HTR4: variants seen among roughly 807,000 people sequenced by gnomAD.
HTR4 encodes 5-hydroxytryptamine (serotonin) receptor 4, G protein-coupled.
In HTR4, 16 loss-of-function variants were observed where a neutral mutation model predicts 36.8. The ratio of observed to expected loss-of-function variants is 0.43; its 90% CI spans 0.29 to 0.66. The LOEUF (loss-of-function observed/expected upper bound fraction) is 0.66. Among genes scored for constraint, HTR4 ranks in the 30% least tolerant of loss-of-function variants. The probability of loss-of-function intolerance (pLI) is 0.13; values close to 1 mark genes in which losing one functional copy is unlikely to be tolerated. For synonymous variants in HTR4, 189 were observed against 185.1 expected (o/e 1.02, Z -0.17); for missense variants, 438 against 490.9 (o/e 0.89, Z 1.02).
chr5:148,543,455 A>G lies in HTR4; in HGVS notation c.353+5213T>C, dbSNP rs76804959. Among the ~76,000 whole-genome samples the G allele has an allele frequency of 8.1e-4, 123 of 152,328 alleles. 1 individual carries two copies. The highest frequency in any genetic ancestry group is 2.8e-3 in the African/African-American group (116 of 41,582). On this transcript the variant is annotated intron_variant, in intron 4 of 6. Transcript: ENST00000377888. Reference sequence around the variant, plus strand: ...TATCTGCCGCATGCTGCTGAAAGAAACCTTGCTAATAGATCATCCAATAAG... The same window carrying G: ...TATCTGCCGCATGCTGCTGAAAGAAGCCTTGCTAATAGATCATCCAATAAG...
Position 148,509,534 on chromosome 5 carries a change from C to T in HTR4, c.998G>A (p.Arg333His), listed in dbSNP as rs149639321. Residue 333 changes from arginine (R) to histidine (H), a missense_variant, in exon 6 of 7, where the codon CGC becomes CAC. Transcript: ENST00000377888. ...FLIILCCDDERYRRPSILGQT... is the reference protein window; with the variant it reads ...FLIILCCDDEHYRRPSILGQT... Reference sequence around the variant, plus strand: ...GCCCAGAATGGAAGGTCTTCGGTAGCGCTCATCATCACAGCAGAGGATGAT... The same window carrying T: ...GCCCAGAATGGAAGGTCTTCGGTAGTGCTCATCATCACAGCAGAGGATGAT... The T allele has an allele frequency of 3.4e-4, 548 of 1,613,838 alleles. 1 individual carries two copies. The highest frequency in any genetic ancestry group is 4.3e-4 in the Non-Finnish European group (511 of 1,179,960).
At chr5:148,498,486 C>T (rs190519426) in intron 6 of HTR4, among the ~76,000 whole-genome samples, 1,535 of 152,228 alleles carry the variant, frequency 0.01, 6 homozygotes, top group Non-Finnish European at 0.014. Context: ...AATGATCAAT[C>T]AATTGATCAT....
intron 2 of HTR4, among the ~76,000 whole-genome samples, chr5:148,633,068 A>T (rs1436229318): frequency 6.6e-6 from 1 of 152,098 alleles, no homozygotes; most frequent in East Asian, 1.9e-4. Context: ...CAGACCAATA[A>T]AACAGATCAG....
chr5:148,488,534 T>TA (rs1756268782), intron 6 of HTR4, among the ~76,000 whole-genome samples: 2 of 152,208 alleles, frequency 1.3e-5, no homozygotes, highest in African/African-American at 4.8e-5. Flanking sequence ...TATTTAGATT[T>TA]AAAACGTATT....
At chr5:148,507,719 G>T (rs1376081456) in intron 6 of HTR4, among the ~76,000 whole-genome samples, 1 of 151,958 alleles carries the variant, frequency 6.6e-6, no homozygotes. Context: ...TAGTAAAATA[G>T]GCTTTCTTGG....
chr5:148,555,027 C>T (rs1759876942), intron 2 of HTR4, among the ~76,000 whole-genome samples: 1 of 151,324 alleles, frequency 6.6e-6, no homozygotes, highest in African/African-American at 2.4e-5. Context: ...GCTTAAAATG[C>T]TTATTTTATA....
chr5:148,608,876 G>A (rs149231076), intron 2 of HTR4, among the ~76,000 whole-genome samples: 2 of 152,148 alleles, frequency 1.3e-5, no homozygotes, highest in Non-Finnish European at 2.9e-5. Flanking sequence ...AAGCAGTAGG[G>A]TTTATTATTT....
chr5:148,528,277 G>T lies in HTR4; in HGVS notation c.354-4931C>A, dbSNP rs138290732. Among the ~76,000 whole-genome samples the T allele has an allele frequency of 5.0e-3, 762 of 152,186 alleles. 8 individuals carry two copies. Among genetic ancestry groups the T allele is most frequent in the African/African-American group, 0.017 (725 of 41,516 alleles). ...TGACCTCTGCAGCTTCTTCAATGTG[G>T]TCCTCTGTCTTACAGTAAACATAAT... On this transcript the variant is annotated intron_variant, in intron 4 of 6. Transcript: ENST00000377888.
chr5:148,472,628 T>C (rs1561564924), downstream of HTR4, among the ~76,000 whole-genome samples: 1 of 152,128 alleles, frequency 6.6e-6, no homozygotes, highest in Non-Finnish European at 1.5e-5. Flanking sequence ...GAAAAATGTA[T>C]TAAACAGGTC....
intron 4 of HTR4, among the ~76,000 whole-genome samples, chr5:148,531,517 C>T (rs1461265559): frequency 6.6e-6 from 1 of 152,162 alleles, no homozygotes; most frequent in East Asian, 1.9e-4. Flanking sequence ...AAACCTCTTT[C>T]TTTTGCAAAT....
chr5:148,504,803 T>A (rs1017959737), intron 6 of HTR4, among the ~76,000 whole-genome samples: 1 of 151,950 alleles, frequency 6.6e-6, no homozygotes, highest in African/African-American at 2.4e-5. Flanking sequence ...AAAAAATGAT[T>A]AAGGGGATAT....
chr5:148,614,540 T>A (rs942074712), intron 2 of HTR4, among the ~76,000 whole-genome samples: 2 of 152,110 alleles, frequency 1.3e-5, no homozygotes, highest in African/African-American at 4.8e-5. Context: ...TCAAGGTGGA[T>A]TAAAGACTTA....
At chr5:148,499,926 C>T (rs946223920) in intron 6 of HTR4, among the ~76,000 whole-genome samples, 6 of 152,160 alleles carry the variant, frequency 3.9e-5, no homozygotes, top group Admixed American at 3.3e-4. Flanking sequence ...TATGAACCCC[C>T]CTTCATCTTC....
intron 5 of HTR4, among the ~76,000 whole-genome samples, chr5:148,512,038 G>C (rs1209348653): frequency 6.6e-6 from 1 of 152,182 alleles, no homozygotes. Flanking sequence ...ATGTGAGACT[G>C]AGTTTCTGCA....
intron 2 of HTR4, among the ~76,000 whole-genome samples, chr5:148,626,090 C>T (rs1753093032): frequency 1.3e-5 from 2 of 152,258 alleles, no homozygotes; most frequent in Middle Eastern, 3.4e-3. Context: ...ATATGCCCCA[C>T]CCTCAGTTAG....
chr5:148,626,674 G>T (rs1006706609), intron 2 of HTR4, among the ~76,000 whole-genome samples: 1 of 152,158 alleles, frequency 6.6e-6, no homozygotes, highest in Non-Finnish European at 1.5e-5. Flanking sequence ...GCAAATGAGA[G>T]AATAAAATGA....
intron 2 of HTR4, among the ~76,000 whole-genome samples, chr5:148,584,872 C>T (rs1054162553): frequency 1.3e-5 from 2 of 152,140 alleles, no homozygotes; most frequent in African/African-American, 4.8e-5. Flanking sequence ...ACAGTAGCCA[C>T]CTGGAAGCCA....
intron 2 of HTR4, among the ~76,000 whole-genome samples, chr5:148,553,445 G>A (rs1008466994): frequency 1.3e-5 from 2 of 152,222 alleles, no homozygotes; most frequent in African/African-American, 4.8e-5. Context: ...CCTCAGAGGT[G>A]CTGATTTAAT....
intron 6 of HTR4, chr5:148,490,504 C>T (rs570959047): frequency 6.3e-6 from 6 of 946,526 alleles, no homozygotes; most frequent in African/African-American, 1.8e-5. Context: ...TTTGCTGTCC[C>T]CTACACTTAA....
Sources: allele counts gnomAD v4.1 joint callset (sites outside exome capture counted in the v4.1 genomes callset), GRCh38; gene constraint gnomAD v4.1.1; transcripts MANE v1.5; gene names NCBI Gene and HGNC (gene_info 2026-07-23, HGNC 2026-07-21).